GRIP1: variants seen among roughly 807,000 people sequenced by gnomAD.
GRIP1 encodes glutamate receptor-interacting protein 1.
In GRIP1, 45 loss-of-function variants were observed where a neutral mutation model predicts 129.9. The ratio of observed to expected loss-of-function variants is 0.35; its 90% CI spans 0.27 to 0.44. GRIP1 has a LOEUF of 0.44. GRIP1 is among the 20% of genes least tolerant of loss of function. GRIP1 has a pLI of 1.00. For synonymous variants in GRIP1, 530 were observed against 520.8 expected, an observed-to-expected ratio of 1.02 and a Z score of -0.24; for missense variants, 1,196 against 1,396.8, an observed-to-expected ratio of 0.86 and a Z score of 2.29.
chr12:66,520,412 G>A (rs4144465), intron 5 of GRIP1, among the ~76,000 whole-genome samples: 72,006 of 152,008 alleles, frequency 0.47, 17,298 homozygotes, highest in African/African-American at 0.56. Flanking sequence ...AAACTTTTAT[G>A]TTCAACCAAC....
At chr12:67,007,307 A>T (rs1228969288) in intron 1 of GRIP1, among the ~76,000 whole-genome samples, 1 of 152,224 alleles carries the variant, frequency 6.6e-6, no homozygotes. Context: ...TCACGGCAAC[A>T]AGATTCATAT....
intron 1 of GRIP1, among the ~76,000 whole-genome samples, chr12:66,969,668 C>T (rs1394262): frequency 0.014 from 2,192 of 152,176 alleles, 23 homozygotes; most frequent in Middle Eastern, 0.051. Context: ...CCTCCTGCCT[C>T]GGCCTCCCAA....
At chr12:66,917,108 C>G (rs956410811) in intron 1 of GRIP1, among the ~76,000 whole-genome samples, 1 of 152,104 alleles carries the variant, frequency 6.6e-6, no homozygotes, top group Non-Finnish European at 1.5e-5. Context: ...GGGTTTTCTC[C>G]GTCTACCATA....
chr12:66,625,371 G>A (rs527320665), intron 1 of GRIP1, among the ~76,000 whole-genome samples: 11 of 152,096 alleles, frequency 7.2e-5, no homozygotes, highest in South Asian at 2.1e-4. Context: ...TTTCACATAC[G>A]TACTTTCCCA....
At chr12:66,407,708 G>A (rs1436887154) in intron 15 of GRIP1, among the ~76,000 whole-genome samples, 4 of 152,148 alleles carry the variant, frequency 2.6e-5, no homozygotes, top group South Asian at 4.1e-4. Flanking sequence ...GTTCCAACAC[G>A]CCTCACTGCT....
At chr12:66,759,031 G>A (rs148087637) in intron 1 of GRIP1, among the ~76,000 whole-genome samples, 4 of 152,306 alleles carry the variant, frequency 2.6e-5, no homozygotes, top group Non-Finnish European at 4.4e-5. Context: ...TCTGCCCCCA[G>A]TAGGGACTCT....
At chr12:66,990,792 C>T (rs1395680997) in intron 1 of GRIP1, among the ~76,000 whole-genome samples, 4 of 151,998 alleles carry the variant, frequency 2.6e-5, no homozygotes, top group South Asian at 2.1e-4. Context: ...GTCAAGAATT[C>T]GAGACCATTC....
At chr12:66,581,846 T>C (rs1277988340) in intron 2 of GRIP1, among the ~76,000 whole-genome samples, 2 of 152,108 alleles carry the variant, frequency 1.3e-5, no homozygotes, top group Non-Finnish European at 2.9e-5. Flanking sequence ...ACTGGTACTA[T>C]TCCTTCTGAA....
Position 66,374,115 on chromosome 12 carries a change from C to A in GRIP1, c.2779-2188G>T, listed in dbSNP as rs528852859. 2.0e-5 allele frequency among the ~76,000 whole-genome samples: 3 copies of A among 152,138 alleles called. 1 individual carries two copies. Among genetic ancestry groups the A allele is most frequent in the Non-Finnish European group, 4.4e-5 (3 of 68,018 alleles). On this transcript the variant is annotated intron_variant, in intron 22 of 24. Transcript: ENST00000359742. The stretch of plus-strand genomic sequence containing the variant: ...CCTTTTTAAGTTGATTGAAACCTTT[C>A]TTTACTGGCTTCATTGGTGTCATGG...
At chr12:66,802,713 A>G (rs2038893532) in intron 1 of GRIP1, among the ~76,000 whole-genome samples, 1 of 152,178 alleles carries the variant, frequency 6.6e-6, no homozygotes, top group Non-Finnish European at 1.5e-5. Context: ...TACCAGTCTA[A>G]TTAAAAGTTC....
At chr12:66,577,016 C>G (rs1173619205) in intron 2 of GRIP1, among the ~76,000 whole-genome samples, 1 of 152,176 alleles carries the variant, frequency 6.6e-6, no homozygotes, top group Non-Finnish European at 1.5e-5. Context: ...CTTTTCAGAC[C>G]AGCAGCGTGG....
intron 1 of GRIP1, among the ~76,000 whole-genome samples, chr12:66,869,769 A>G (rs1340429270): frequency 6.6e-6 from 1 of 152,178 alleles, no homozygotes; most frequent in Non-Finnish European, 1.5e-5. Flanking sequence ...AAGCTCAGGT[A>G]TCTTGTAAAG....
At chr12:66,891,506 TGTG>T (rs1370095399) in intron 1 of GRIP1, among the ~76,000 whole-genome samples, 2 of 152,132 alleles carry the variant, frequency 1.3e-5, no homozygotes, top group African/African-American at 4.8e-5. Context: ...TGTGGGCTGA[TGTG>T]GTGATTTTAG....
chr12:66,689,863 T>C (rs2034916732), intron 1 of GRIP1, among the ~76,000 whole-genome samples: 1 of 152,148 alleles, frequency 6.6e-6, no homozygotes, highest in Admixed American at 6.6e-5. Context: ...CATTTTACTC[T>C]TTTATGAATT....
intron 1 of GRIP1, chr12:66,626,699 C>G (rs567839663): frequency 6.5e-6 from 1 of 153,026 alleles, no homozygotes; most frequent in East Asian, 1.9e-4. Context: ...GAAGGCCTTA[C>G]TGTCTCAATT....
chr12:66,706,620 T>C (rs1164891173), intron 1 of GRIP1, among the ~76,000 whole-genome samples: 2 of 152,084 alleles, frequency 1.3e-5, no homozygotes, highest in East Asian at 3.9e-4. Context: ...CCAACCCACA[T>C]GCTGATCAAT....
chr12:66,698,172 T>G (rs1365232693), intron 1 of GRIP1, among the ~76,000 whole-genome samples: 1 of 152,224 alleles, frequency 6.6e-6, no homozygotes, highest in Admixed American at 6.5e-5. Flanking sequence ...TCATGAGATT[T>G]GTCTCAAAAT....
intron 5 of GRIP1, among the ~76,000 whole-genome samples, chr12:66,526,416 CAAG>C: frequency 6.6e-6 from 1 of 152,234 alleles, no homozygotes; most frequent in African/African-American, 2.4e-5. Flanking sequence ...CTGACTAAAA[CAAG>C]AAATGGGGAA....
chr12:66,370,826 AG>A (rs2055446132), intron 23 of GRIP1, among the ~76,000 whole-genome samples: 1 of 152,208 alleles, frequency 6.6e-6, no homozygotes, highest in South Asian at 2.1e-4. Context: ...TGTGTGCAAG[AG>A]TGGGTTTTGT....
Sources: gnomAD v4.1 joint callset for allele counts (sites outside exome capture counted in the v4.1 genomes callset) on GRCh38, gnomAD v4.1.1 for gene constraint, MANE v1.5 for transcripts, NCBI Gene and HGNC (gene_info 2026-07-23, HGNC 2026-07-21) for gene names.